Variants in THRB observed in about 807,000 individuals in gnomAD.
THRB encodes the protein thyroid hormone receptor beta, also known as nuclear receptor subfamily 1 group A member 2.
A neutral mutation model predicts 47.8 loss-of-function variants in THRB; 12 were observed. The observed-to-expected ratio is 0.25, with a 90% CI of 0.16 to 0.41. The LOEUF (loss-of-function observed/expected upper bound fraction) is 0.41, where lower values mean the gene tolerates loss of function less well. THRB is among the 10% of genes least tolerant of loss of function. The pLI, the probability that THRB is intolerant of heterozygous loss-of-function variation, is 1.00. For missense variants in THRB, 348 were observed against 589.2 expected (o/e 0.59, Z 4.24); for synonymous variants, 218 against 212.2 (o/e 1.03, Z -0.24).
chr3:24,235,938 G>T (rs2048817695), intron 3 of THRB, among the ~76,000 whole-genome samples: 1 of 152,156 alleles, frequency 6.6e-6, no homozygotes. Context: ...TATGACTGGA[G>T]TTCATGGGAT....
At chr3:24,431,103 T>A (rs2070347224) in intron 1 of THRB, 1 of 152,000 alleles carries the variant, frequency 6.6e-6, no homozygotes, top group Non-Finnish European at 1.5e-5. Context: ...GTGGGTGAGA[T>A]CTAACCACTG....
At chr3:24,284,987 C>CTAACAG (rs1430763834) in intron 3 of THRB, among the ~76,000 whole-genome samples, 1 of 152,128 alleles carries the variant, frequency 6.6e-6, no homozygotes, top group Non-Finnish European at 1.5e-5. Flanking sequence ...GTTAGTGGGA[C>CTAACAG]TGTAAACTAG....
chr3:24,250,224 T>C (rs868330989), intron 3 of THRB, among the ~76,000 whole-genome samples: 1 of 152,212 alleles, frequency 6.6e-6, no homozygotes, highest in Non-Finnish European at 1.5e-5. Flanking sequence ...CCCTCAGGTA[T>C]ACCTGTCACC....
intron 1 of THRB, among the ~76,000 whole-genome samples, chr3:24,389,366 C>T (rs1196923819): frequency 1.3e-5 from 2 of 152,140 alleles, no homozygotes; most frequent in Non-Finnish European, 2.9e-5. Context: ...AGAGTTGAGA[C>T]TATAAAAGGG....
intron 2 of THRB, among the ~76,000 whole-genome samples, chr3:24,331,953 C>T (rs1481285472): frequency 6.6e-6 from 1 of 152,178 alleles, no homozygotes; most frequent in Non-Finnish European, 1.5e-5. Context: ...CCTCTCCGTA[C>T]TTGAAGGGCC....
At chr3:24,343,103 T>C (rs1045884966) in intron 1 of THRB, among the ~76,000 whole-genome samples, 12 of 152,180 alleles carry the variant, frequency 7.9e-5, no homozygotes, top group Non-Finnish European at 1.5e-4. Flanking sequence ...ATTAGCCTGA[T>C]AGAAATGTGA....
Position 24,481,603 on chromosome 3 carries a change from T to C in THRB, c.-261+13049A>G, listed in dbSNP as rs114274115. The stretch of plus-strand genomic sequence containing the variant: ...TGAATAGTGAAGAAATATAGATATA[T>C]AGCAAGTGACTAGACATGTAATACT... On this transcript the variant is annotated intron_variant, in intron 1 of 10. Transcript: ENST00000646209. Among the ~76,000 whole-genome samples, 628 of 152,154 alleles carry C rather than the reference T, an allele frequency of 4.1e-3. 5 individuals are homozygous for C. The highest frequency in any genetic ancestry group is 0.015 in the African/African-American group (607 of 41,494).
chr3:24,431,484 T>C (rs751287622), intron 1 of THRB, among the ~76,000 whole-genome samples: 3 of 152,102 alleles, frequency 2.0e-5, no homozygotes, highest in South Asian at 2.1e-4. Context: ...AAGCCTGACA[T>C]TACCAAATGT....
At chr3:24,249,262 G>C (rs1183690609) in intron 3 of THRB, among the ~76,000 whole-genome samples, 2 of 151,984 alleles carry the variant, frequency 1.3e-5, no homozygotes, top group Admixed American at 6.6e-5. Context: ...CCCTGGAAAT[G>C]TTTGAAAACA....
intron 4 of THRB, among the ~76,000 whole-genome samples, chr3:24,192,622 G>A (rs1167525816): frequency 2.0e-5 from 3 of 152,072 alleles, no homozygotes; most frequent in African/African-American, 4.8e-5. Context: ...TGCTAACAGG[G>A]GCTCCACTCC....
rs780700477 is a variant in THRB, at chr3:24,133,420, C to A, written c.781G>T (p.Gly261Cys). ...GQAPIVNAPE[G>C]GKVDLEAFSH... The stretch of plus-strand genomic sequence containing the variant: ...AAGGCTTCCAAGTCAACCTTTCCAC[C>A]TTCTGGGGCATTGACTATTGGTGCT... Residue 261 changes from glycine to cysteine, a missense_variant, in exon 9 of 11, where the codon GGT (glycine) becomes TGT (cysteine). By Grantham distance (159) the Gly-to-Cys change is radical. This residue lies in a region of THRB where 112 missense variants were observed against 212.3 expected (regional missense o/e 0.53). Transcript: ENST00000646209. The A allele has an allele frequency of 1.8e-5, 29 of 1,613,966 alleles. No homozygotes were observed. The highest frequency in any genetic ancestry group is 2.4e-5 in the Non-Finnish European group (28 of 1,179,992).
Position 24,198,451 on chromosome 3 carries a change from CG to C in THRB, c.23-8118del, listed in dbSNP as rs1575791604. On this transcript the variant is annotated intron_variant, in intron 4 of 10. Coordinates refer to ENST00000646209, the MANE Select transcript of THRB (RefSeq NM_001354712.2). ...AGTAAGTGTTCAAAGTGTCTCCCCC[CG>C]CCCCCCCCCCCCCCTTTTTTTTTTA... Among the ~76,000 whole-genome samples the C allele has an allele frequency of 4.9e-3, 121 of 24,852 alleles. 2 individuals carry two copies. The highest frequency in any genetic ancestry group is 0.014 in the Middle Eastern group (1 of 70). 16.3% of individuals were successfully genotyped at this position (24,852 alleles called of 152,430 possible). A position where few individuals can be genotyped will look rare whatever the true frequency, so the allele number is the denominator to read the frequency against.
chr3:24,330,579 G>A (rs1437281464), intron 2 of THRB, among the ~76,000 whole-genome samples: 2 of 152,178 alleles, frequency 1.3e-5, no homozygotes, highest in Non-Finnish European at 2.9e-5. Context: ...TACAGTTGGT[G>A]TGTGTTTTTC....
chr3:24,397,863 A>G (rs1291101385), intron 1 of THRB, among the ~76,000 whole-genome samples: 3 of 152,062 alleles, frequency 2.0e-5, no homozygotes, highest in Non-Finnish European at 2.9e-5. Flanking sequence ...AGTGGAGCTC[A>G]TCTGGTCAGA....
intron 4 of THRB, among the ~76,000 whole-genome samples, chr3:24,202,759 C>T (rs987373777): frequency 9.9e-5 from 15 of 152,040 alleles, no homozygotes; most frequent in Non-Finnish European, 1.0e-4. Flanking sequence ...TGTGATTAGC[C>T]CCATTTTACA....
At chr3:24,471,244 T>C (rs2074545762) in intron 1 of THRB, among the ~76,000 whole-genome samples, 1 of 152,138 alleles carries the variant, frequency 6.6e-6, no homozygotes, top group South Asian at 2.1e-4. Flanking sequence ...ACATGTAAAT[T>C]CTCCAGTTCC....
At chr3:24,315,238 TG>T (rs2058037071) in intron 2 of THRB, among the ~76,000 whole-genome samples, 1 of 151,864 alleles carries the variant, frequency 6.6e-6, no homozygotes, top group East Asian at 1.9e-4. Context: ...ATCACGGGGG[TG>T]GTTTGACACT....
intron 3 of THRB, among the ~76,000 whole-genome samples, chr3:24,234,641 C>G (rs146203399): frequency 1.3e-5 from 2 of 152,284 alleles, no homozygotes; most frequent in African/African-American, 4.8e-5. Context: ...AGGTGAAGAA[C>G]CAACCTGTAA....
At chr3:24,198,320 A>C (rs920212217) in intron 4 of THRB, among the ~76,000 whole-genome samples, 15 of 152,200 alleles carry the variant, frequency 9.9e-5, no homozygotes, top group African/African-American at 3.6e-4. Flanking sequence ...TGGAAGCGTT[A>C]TAGGTTATAG....
Sources: allele counts gnomAD v4.1 joint callset (sites outside exome capture counted in the v4.1 genomes callset), GRCh38; gene constraint gnomAD v4.1.1; regional missense constraint gnomAD v4.1.1; transcripts MANE v1.5; gene names NCBI Gene and HGNC (gene_info 2026-07-23, HGNC 2026-07-21).